SLC35D4: variants seen among roughly 807,000 people sequenced by gnomAD.
The protein encoded by SLC35D4 is UDP-N-acetylglucosamine transporter SLC35D4.
At chr18:23,364,477 A>T in the SLC35D4 span, among the ~76,000 whole-genome samples, 11 of 152,202 alleles carry the variant, frequency 7.2e-5, no homozygotes, top group African/African-American at 2.7e-4. Context: ...ACACACAGAC[A>T]TTATTGTTTT....
At chr18:23,383,669 C>T in the SLC35D4 span, among the ~76,000 whole-genome samples, 4 of 151,996 alleles carry the variant, frequency 2.6e-5, no homozygotes, top group Non-Finnish European at 5.9e-5. Flanking sequence ...TTTTCCCGTG[C>T]GAGGGATGGT....
the SLC35D4 span, among the ~76,000 whole-genome samples, chr18:23,429,328 C>G: frequency 6.6e-6 from 1 of 152,172 alleles, no homozygotes; most frequent in African/African-American, 2.4e-5. Context: ...ATAAACGTTT[C>G]CTTTTTTCCA....
the SLC35D4 span, among the ~76,000 whole-genome samples, chr18:23,267,271 C>A: frequency 6.6e-6 from 1 of 152,144 alleles, no homozygotes; most frequent in Admixed American, 6.5e-5. Flanking sequence ...CGCTGTCCAG[C>A]GTGCACATGG....
the SLC35D4 span, among the ~76,000 whole-genome samples, chr18:23,300,894 C>T: frequency 1.7e-4 from 26 of 152,336 alleles, no homozygotes; most frequent in African/African-American, 5.5e-4. Flanking sequence ...CTATGAGGGA[C>T]CGAAGCCTCC....
chr18:23,253,700 A>G, the SLC35D4 span: 2 of 1,596,982 alleles, frequency 1.3e-6, no homozygotes, highest in Admixed American at 1.7e-5. Context: ...TTTTCACAAG[A>G]CTGTTCCCTC....
At chr18:23,358,955 C>T in the SLC35D4 span, among the ~76,000 whole-genome samples, 1 of 152,112 alleles carries the variant, frequency 6.6e-6, no homozygotes, top group Admixed American at 6.5e-5. Flanking sequence ...CTATAAATAC[C>T]CCCGGAAGAG....
chr18:23,331,517 T>C, the SLC35D4 span: 3 of 152,386 alleles, frequency 2.0e-5, no homozygotes, highest in Admixed American at 6.5e-5. Flanking sequence ...TTCAGCACGT[T>C]GGGCTCTGCT....
At chr18:23,424,322 G>T in the SLC35D4 span, among the ~76,000 whole-genome samples, 7 of 152,302 alleles carry the variant, frequency 4.6e-5, no homozygotes, top group East Asian at 1.4e-3. Context: ...TAAAAAGCAA[G>T]CTCCATGAGG....
At chr18:23,247,652 G>A in the SLC35D4 span, among the ~76,000 whole-genome samples, 9 of 152,248 alleles carry the variant, frequency 5.9e-5, no homozygotes, top group East Asian at 1.9e-4. Flanking sequence ...GCACTGGGCC[G>A]CCGGGCACCA....
chr18:23,315,353 T>TAG, the SLC35D4 span, among the ~76,000 whole-genome samples: 1 of 152,138 alleles, frequency 6.6e-6, no homozygotes, highest in East Asian at 1.9e-4. Flanking sequence ...GAGAAAACTT[T>TAG]TACTGAACTT....
At chr18:23,354,560 T>C in the SLC35D4 span, among the ~76,000 whole-genome samples, 1 of 148,696 alleles carries the variant, frequency 6.7e-6, no homozygotes, top group Non-Finnish European at 1.5e-5. Flanking sequence ...CTGGTGGTCA[T>C]GAGGGTGGGG....
chr18:23,399,606 A>G, the SLC35D4 span: 4 of 1,613,952 alleles, frequency 2.5e-6, no homozygotes, highest in African/African-American at 1.3e-5. Flanking sequence ...GATTATACCC[A>G]CAAACAGCAC....
At chr18:23,427,661 A>T in the SLC35D4 span, among the ~76,000 whole-genome samples, 1 of 152,342 alleles carries the variant, frequency 6.6e-6, no homozygotes, top group African/African-American at 2.4e-5. Flanking sequence ...CAGCAATCCC[A>T]TTACTGGGTA....
chr18:23,413,013 C>A, the SLC35D4 span, among the ~76,000 whole-genome samples: 1 of 152,162 alleles, frequency 6.6e-6, no homozygotes, highest in African/African-American at 2.4e-5. Context: ...CATGTGACCA[C>A]TGGGTTTCCG....
chr18:23,278,586 A>G, the SLC35D4 span, among the ~76,000 whole-genome samples: 1 of 152,198 alleles, frequency 6.6e-6, no homozygotes, highest in Non-Finnish European at 1.5e-5. Flanking sequence ...ACTACTATAA[A>G]TTAGTAATCA....
the SLC35D4 span, among the ~76,000 whole-genome samples, chr18:23,275,195 C>T: frequency 2.0e-5 from 3 of 151,962 alleles, no homozygotes; most frequent in South Asian, 4.2e-4. Context: ...GTGGGAACTT[C>T]GCAATGTTCT....
the SLC35D4 span, chr18:23,352,421 T>C: frequency 1.4e-5 from 8 of 574,242 alleles, no homozygotes; most frequent in Non-Finnish European, 2.2e-5. Context: ...GTTTTCTAGA[T>C]CTGTGATCTC....
the SLC35D4 span, among the ~76,000 whole-genome samples, chr18:23,247,135 C>T: frequency 6.6e-6 from 1 of 152,248 alleles, no homozygotes; most frequent in Non-Finnish European, 1.5e-5. Context: ...CTAGTACAGC[C>T]TCCCCAGCTC....
chr18:23,410,125 C>G, the SLC35D4 span, among the ~76,000 whole-genome samples: 2 of 152,142 alleles, frequency 1.3e-5, no homozygotes, highest in African/African-American at 2.4e-5. Flanking sequence ...ATTCTTGTCT[C>G]ATATCATGGT....
Sources: allele counts gnomAD v4.1 joint callset (sites outside exome capture counted in the v4.1 genomes callset), GRCh38; gene constraint gnomAD v4.1.1; transcripts MANE v1.5; gene names NCBI Gene and HGNC (gene_info 2026-07-23, HGNC 2026-07-21).